SMARCA2: variants seen among roughly 807,000 people sequenced by gnomAD.
SMARCA2 encodes SWI/SNF-related matrix-associated actin-dependent regulator of chromatin subfamily A member 2.
A neutral mutation model predicts 199.8 loss-of-function variants in SMARCA2; 61 were observed. The ratio of observed to expected loss-of-function variants is 0.31; its 90% CI spans 0.25 to 0.38. The LOEUF is 0.38. Among genes scored for constraint, SMARCA2 ranks in the 10% least tolerant of loss-of-function variants. SMARCA2 has a pLI of 1.00. For synonymous variants in SMARCA2, 935 were observed against 732.0 expected, an observed-to-expected ratio of 1.28 and a Z score of -4.48; for missense variants, 1,344 against 2,012.2, an observed-to-expected ratio of 0.67 and a Z score of 6.35.
chr9:2,170,424 A>T lies in SMARCA2; in HGVS notation c.4205A>T (p.Asn1402Ile), dbSNP rs1396561273. The T allele has an allele frequency of 6.2e-7, 1 of 1,614,142 alleles. No homozygotes were observed. The highest frequency in any genetic ancestry group is 1.3e-5 in the African/African-American group (1 of 75,050). ...TTCTTTCTACTCTACCGCAGGTGTA[A>T]CGTGGAGAAGGTGCCCAGTAATTCT... is the stretch of plus-strand genomic sequence containing the variant. ...DTVINYKDRCNVEKVPSNSQL... is the reference protein window; with the variant it reads ...DTVINYKDRCIVEKVPSNSQL... The change falls in exon 29 of 34, where the codon AAC becomes ATC. Residue 1402 changes from asparagine (N) to isoleucine (I), a missense_variant. Asn to Ile is a moderately radical substitution (Grantham distance 149). Coordinates refer to ENST00000349721, the MANE Select transcript of SMARCA2 (RefSeq NM_003070.5). This position sits in a 1 kb window ranked among gnomAD's most constrained non-coding sequence, Gnocchi z 4.7.
intron 28 of SMARCA2, among the ~76,000 whole-genome samples, chr9:2,166,415 C>T (rs1479805281): frequency 6.6e-6 from 1 of 152,114 alleles, no homozygotes; most frequent in Non-Finnish European, 1.5e-5. Flanking sequence ...CTTGAAATAA[C>T]CCCCACTCCC....
intron 27 of SMARCA2, among the ~76,000 whole-genome samples, chr9:2,142,446 T>TTC (rs972463865): frequency 4.6e-5 from 7 of 152,108 alleles, no homozygotes; most frequent in African/African-American, 7.2e-5. Context: ...GGATTTGGTA[T>TTC]TCTCTCTCTC....
chr9:2,162,927 G>A (rs1389166998), intron 28 of SMARCA2: 1 of 152,178 alleles, frequency 6.6e-6, no homozygotes, highest in African/African-American at 2.4e-5. Context: ...ACTACACTTG[G>A]TCTTAGCCAA....
chr9:2,025,336 C>T (rs959770500), intron 1 of SMARCA2, among the ~76,000 whole-genome samples: 1 of 152,052 alleles, frequency 6.6e-6, no homozygotes, highest in Non-Finnish European at 1.5e-5. Context: ...GGTTGCTGTG[C>T]CCCCCTCTCC....
At chr9:2,118,447 A>G (rs1823310564) in intron 25 of SMARCA2, among the ~76,000 whole-genome samples, 1 of 152,110 alleles carries the variant, frequency 6.6e-6, no homozygotes, top group African/African-American at 2.4e-5. Flanking sequence ...TTGAGCCGCT[A>G]GTACACTCAT....
chr9:2,177,014 T>G (rs1280161125), intron 29 of SMARCA2, among the ~76,000 whole-genome samples: 1 of 152,208 alleles, frequency 6.6e-6, no homozygotes, highest in Non-Finnish European at 1.5e-5. Flanking sequence ...AGATGAGAGA[T>G]CTCAGTAGCA....
chr9:2,056,573 C>T lies in SMARCA2; in HGVS notation c.1174-99C>T, dbSNP rs139467373. 1.1e-4 allele frequency: 114 copies of T among 1,055,398 alleles called. No individual in the cohort carries two copies. The East Asian group carries it at 2.9e-3, about 26-fold the overall frequency. The allele number at this position is 1,055,398 out of a possible 1,614,324, so 65.4% of individuals were successfully genotyped here. ...GATTGAGAAGCTTGTGGAGATTCCC[C>T]GCCCCACTCTATTCCATTAAATGCA... On this transcript the variant is annotated intron_variant, in intron 6 of 33. Transcript: ENST00000349721. This position sits in a 1 kb window ranked among gnomAD's most constrained non-coding sequence, Gnocchi z 4.0.
chr9:2,102,849 C>T (rs529124794), intron 22 of SMARCA2, among the ~76,000 whole-genome samples: 8 of 152,150 alleles, frequency 5.3e-5, no homozygotes, highest in South Asian at 2.1e-4. Flanking sequence ...AAAATGAAAA[C>T]GTTCAGTATA....
intron 9 of SMARCA2, among the ~76,000 whole-genome samples, chr9:2,064,959 C>A (rs190992203): frequency 3.9e-5 from 6 of 152,152 alleles, no homozygotes; most frequent in Non-Finnish European, 8.8e-5. Flanking sequence ...CCGAGGCGGG[C>A]GGATCACGAA....
intron 3 of SMARCA2, among the ~76,000 whole-genome samples, chr9:2,033,375 T>C (rs1039403845): frequency 5.9e-5 from 9 of 152,182 alleles, no homozygotes; most frequent in Non-Finnish European, 8.8e-5. Context: ...TAGGGTAAAT[T>C]AGGTTATCCC....
In SMARCA2 at chr9:2,087,231, G is replaced by A. The variant is rs559866887; in HGVS notation, c.2769+160G>A. 24 of 815,314 alleles carry A rather than the reference G, an allele frequency of 2.9e-5. No homozygotes were observed. The East Asian group carries it at 5.9e-4, about 20-fold the overall frequency. 50.5% of individuals were successfully genotyped at this position (815,314 alleles called of 1,614,324 possible). A position where few individuals can be genotyped will look rare whatever the true frequency, so the allele number is the denominator to read the frequency against. ...TGGGTGGACATGGTCTTGTGGTGGG[G>A]TTATTTTCCCCTCCTAGGAAAATGG... On this transcript the variant is annotated intron_variant, in intron 18 of 33. Transcript: ENST00000349721.
At chr9:2,149,555 T>G (rs978086980) in intron 27 of SMARCA2, among the ~76,000 whole-genome samples, 4 of 151,396 alleles carry the variant, frequency 2.6e-5, no homozygotes, top group South Asian at 2.1e-4. Flanking sequence ...CTTATAAAAC[T>G]ATCAAATCTT....
At position 2,135,466 on chromosome 9, in the gene SMARCA2, G is replaced by T. The variant is rs1181636674; in HGVS notation, c.3981+11529G>T. Among the ~76,000 whole-genome samples the T allele has an allele frequency of 3.9e-5, 6 of 152,128 alleles. 1 individual carries two copies. In the East Asian group the frequency reaches 1.2e-3, roughly 29 times the overall value. On this transcript the variant is annotated intron_variant, in intron 27 of 33. Transcript: ENST00000349721. ...AATTAACCATCACATCAGTCACCCA[G>T]TTAATGGTATTTTGTTATGGCAGCC...
intron 2 of SMARCA2, among the ~76,000 whole-genome samples, chr9:2,030,661 G>C (rs1819024159): frequency 6.6e-6 from 1 of 151,320 alleles, no homozygotes; most frequent in Admixed American, 6.6e-5. Flanking sequence ...TCTCATCCAG[G>C]AATACCCTGA....
chr9:2,039,898 C>A lies in SMARCA2; in HGVS notation c.788C>A (p.Ser263Tyr). 1 of 1,613,664 alleles carries A rather than the reference C, an allele frequency of 6.2e-7. No homozygotes were observed. The highest frequency in any genetic ancestry group is 8.5e-7 in the Non-Finnish European group (1 of 1,179,938). Reference protein sequence around the residue: ...QPALVNYNRPSGPGPELSGPS... With the variant: ...QPALVNYNRPYGPGPELSGPS... ...GCCCTTGTTAACTACAACAGACCATCTGGTAGGTTAATACGCAACCAAATG... is the reference window on the plus strand; with the variant it reads ...GCCCTTGTTAACTACAACAGACCATATGGTAGGTTAATACGCAACCAAATG... The change falls in exon 4 of 34, where the codon TCT becomes TAT. Residue 263 changes from serine to tyrosine, a missense_variant and splice_region_variant. Physicochemically the swap from Ser to Tyr is moderately radical, Grantham distance 144 (BLOSUM62 -2). Around this residue, in one of 18 missense-constraint regions of SMARCA2, gnomAD observed 117 missense variants for 99.1 expected, o/e 1.18. Transcript: ENST00000349721. This position sits in a 1 kb window ranked among gnomAD's most constrained non-coding sequence, Gnocchi z 4.8.
chr9:2,049,616 T>G (rs1820029835), intron 5 of SMARCA2, among the ~76,000 whole-genome samples: 1 of 152,238 alleles, frequency 6.6e-6, no homozygotes, highest in East Asian at 1.9e-4. Flanking sequence ...AATTTTCTCA[T>G]GGCCACCTGG....
rs2275419 is a variant in SMARCA2 at position 2,097,585 on chromosome 9, C to T, written c.3078+114C>T. 135,318 of 629,976 alleles carry T rather than the reference C, an allele frequency of 0.21. 19,973 individuals are homozygous for T. Among genetic ancestry groups the T allele is most frequent in the African/African-American group, 0.58 (30,840 of 53,306 alleles). 39.0% of individuals were successfully genotyped at this position (629,976 alleles called of 1,614,324 possible). A position where few individuals can be genotyped will look rare whatever the true frequency, so the allele number is the denominator to read the frequency against. On this transcript the variant is annotated intron_variant, in intron 21 of 33. Transcript: ENST00000349721. ...CCAAAATAGATTTAAAACATGTTGG[C>T]GGAAGTTGAGATGACATGATCTGAT...
chr9:2,026,680 C>T (rs1040077949), intron 1 of SMARCA2, among the ~76,000 whole-genome samples: 2 of 152,064 alleles, frequency 1.3e-5, no homozygotes, highest in African/African-American at 2.4e-5. Context: ...CAGTGTAAAC[C>T]ATAACAGGAA....
At chr9:2,158,838 A>G in intron 27 of SMARCA2, 1 of 1,104,992 alleles carries the variant, frequency 9.0e-7, no homozygotes, top group Non-Finnish European at 1.3e-6. Context: ...TAGTGAATTG[A>G]TTTCCATTAG....
Sources: gnomAD v4.1 joint callset for allele counts (sites outside exome capture counted in the v4.1 genomes callset) on GRCh38, gnomAD v4.1.1 for gene constraint, gnomAD v4.1.1 regional missense constraint, Gnocchi (gnomAD v3.1) non-coding constraint, MANE v1.5 for transcripts, NCBI Gene and HGNC (gene_info 2026-07-23, HGNC 2026-07-21) for gene names.